The following ATM variants were observed in gnomAD, a reference collection of about 807,000 sequenced individuals.
ATM encodes the protein ATM serine/threonine kinase, also known as serine-protein kinase ATM.
Under a neutral mutation model 387.0 loss-of-function variants are expected in ATM, and 308 were observed. That is an observed-to-expected ratio of 0.80 (90% CI 0.73 to 0.87). The LOEUF is 0.87. Among genes scored for constraint, ATM ranks in the 40% least tolerant of loss-of-function variants. The pLI is 0.00. For synonymous variants in ATM, 1,156 were observed against 1,187.3 expected (o/e 0.97, Z 0.54); for missense variants, 3,312 against 3,560.9 (o/e 0.93, Z 1.78).
chr11:108,287,738 G>C (rs2082569825), intron 27 of ATM, 23 bp downstream of exon 27: 1 of 1,518,236 alleles, frequency 6.6e-7, no homozygotes. Context: ...TAAACTTAGA[G>C]AACTAGCTCT....
intron 8 of ATM, among the ~76,000 whole-genome samples, chr11:108,247,514 T>A (rs1287507462): frequency 6.6e-6 from 1 of 151,854 alleles, no homozygotes; most frequent in Admixed American, 6.6e-5. Flanking sequence ...AAATTCACGA[T>A]TTTGAGTTGT....
chr11:108,302,136 T>G (rs1336333217), intron 35 of ATM, among the ~76,000 whole-genome samples: 1 of 152,140 alleles, frequency 6.6e-6, no homozygotes, highest in East Asian at 1.9e-4. Context: ...GATCCACAAG[T>G]GTTTATTTCC....
At chr11:108,251,329 G>A (rs1433903429) in intron 10 of ATM, among the ~76,000 whole-genome samples, 1 of 152,126 alleles carries the variant, frequency 6.6e-6, no homozygotes, top group Admixed American at 6.5e-5. Flanking sequence ...ATCTATAATA[G>A]AGTTATATAT....
rs947497737 is a variant in ATM at position 108,345,843 on chromosome 11, T to C, written c.8519T>C (p.Leu2840Ser). The C allele has an allele frequency of 6.2e-7, 1 of 1,613,946 alleles. No homozygotes were observed. The highest frequency in any genetic ancestry group is 8.5e-7 in the Non-Finnish European group (1 of 1,179,884). Residue 2840 changes from leucine (L) to serine (S), a missense_variant, in exon 58 of 63, where the codon TTG becomes TCG. Coordinates refer to ENST00000675843, the MANE Select transcript of ATM (RefSeq NM_000051.4). The stretch of plus-strand genomic sequence containing the variant: ...CGTTACTTCTGCATGGAAAAATTCT[T>C]GGATCCAGCTATTTGGTTTGAGAAG... ...VFRYFCMEKF[L>S]DPAIWFEKRL... is the part of the protein sequence containing the mutation.
chr11:108,249,155 T>C (rs2080006736), intron 9 of ATM, 53 bp downstream of exon 9: 1 of 1,602,126 alleles, frequency 6.2e-7, no homozygotes, highest in East Asian at 2.2e-5. Context: ...TTGTATGTTA[T>C]TTTTCAGAAA....
In ATM at chr11:108,249,033, T is replaced by C. The variant is rs757486696; in HGVS notation, c.1166T>C (p.Ile389Thr). The C allele has an allele frequency of 6.2e-7, 1 of 1,613,710 alleles. No homozygotes were observed. Among genetic ancestry groups the C allele is most frequent in the Admixed American group, 1.7e-5 (1 of 59,972 alleles). Reference protein sequence around the residue: ...DYSVPCKRKKIELGWEVIKDH... With the variant: ...DYSVPCKRKKTELGWEVIKDH... ...AGTGTCCCTTGCAAAAGGAAGAAAA[T>C]AGAACTAGGCTGGGAAGTAATAAAA... The change falls in exon 9 of 63, where the codon ATA (isoleucine) becomes ACA (threonine). Residue 389 changes from isoleucine (I) to threonine (T), a missense_variant. Ile to Thr is a moderately conservative substitution (Grantham distance 89). Around this residue, in one of 4 missense-constraint regions of ATM, gnomAD observed 1,791 missense variants for 1,804.5 expected, o/e 0.99. Transcript: ENST00000675843.
chr11:108,310,137 C>T (rs750197861), intron 38 of ATM, 23 bp from the exon 39 acceptor site: 3 of 1,603,502 alleles, frequency 1.9e-6, no homozygotes, highest in African/African-American at 2.7e-5. Flanking sequence ...AAGTGAATGA[C>T]ATTATATCTC....
chr11:108,280,550 AATGTG>A, intron 23 of ATM, among the ~76,000 whole-genome samples: 1 of 152,122 alleles, frequency 6.6e-6, no homozygotes, highest in Non-Finnish European at 1.5e-5. Context: ...ACGGGTATAC[AATGTG>A]AAATAATCAC....
At chr11:108,343,102 C>A in intron 56 of ATM, 120 bp from the exon 57 acceptor site, 1 of 1,270,864 alleles carries the variant, frequency 7.9e-7, no homozygotes, top group Non-Finnish European at 1.1e-6. Context: ...CTTCTATGGA[C>A]AGAGAAATAT....
intron 7 of ATM, 129 bp downstream of exon 7, chr11:108,245,155 G>C: frequency 1.3e-6 from 1 of 793,492 alleles, no homozygotes. Flanking sequence ...ATGTTACTTA[G>C]CCATGAGAAT....
At chr11:108,240,709 G>C (rs2079513820) in intron 5 of ATM, among the ~76,000 whole-genome samples, 1 of 152,016 alleles carries the variant, frequency 6.6e-6, no homozygotes, top group African/African-American at 2.4e-5. Flanking sequence ...ACTTAACCAT[G>C]AATGGAGCTT....
chr11:108,359,125 A>C (rs1333846371), intron 61 of ATM, among the ~76,000 whole-genome samples: 1 of 150,428 alleles, frequency 6.6e-6, no homozygotes, highest in Admixed American at 6.6e-5. Context: ...TGGAAAACAA[A>C]AAAAGGCAGG....
chr11:108,225,701 C>G (rs555650890), intron 1 of ATM: 1 of 152,358 alleles, frequency 6.6e-6, no homozygotes, highest in South Asian at 2.1e-4. Flanking sequence ...TGGTCTCGAA[C>G]TCCTGACCTC....
rs2078810362 is a variant in ATM, at chr11:108,227,689, A to T, written c.65A>T (p.Glu22Val). Residue 22 changes from glutamate to valine, a missense_variant, in exon 2 of 63, where the codon GAA becomes GTA. By Grantham distance (121) the Glu-to-Val change is moderately radical. This residue lies in a region of ATM where 1,791 missense variants were observed against 1,804.5 expected (regional missense o/e 0.99). Coordinates refer to ENST00000675843, the MANE Select transcript of ATM (RefSeq NM_000051.4). Reference sequence around the variant, plus strand: ...CAACTAGAACATGATAGAGCTACAGAACGAAAGGTAGTAAATTACTTAAAT... The same window carrying T: ...CAACTAGAACATGATAGAGCTACAGTACGAAAGGTAGTAAATTACTTAAAT... Reference protein sequence around the residue: ...CRQLEHDRATERKKEVEKFKR... With the variant: ...CRQLEHDRATVRKKEVEKFKR... 1 of 1,613,568 alleles carries T rather than the reference A, an allele frequency of 6.2e-7. No homozygotes were observed. The highest frequency in any genetic ancestry group is 8.5e-7 in the Non-Finnish European group (1 of 1,179,802).
intron 5 of ATM, among the ~76,000 whole-genome samples, chr11:108,239,538 A>G (rs2079457379): frequency 6.6e-6 from 1 of 152,200 alleles, no homozygotes; most frequent in South Asian, 2.1e-4. Context: ...TTGTTAATTC[A>G]TTCGTCCATT....
At position 108,307,984 on chromosome 11, in the gene ATM, GGTAAT is replaced by G; in HGVS notation, c.5762+7_5762+11del. On this transcript the variant is annotated splice_donor_variant and splice_donor_5th_base_variant and intron_variant, in intron 38 of 62. Transcript: ENST00000675843. LOFTEE classifies it high-confidence loss of function. The stretch of plus-strand genomic sequence containing the variant: ...GTGGACTACATGAGAAGACAAAAGA[GGTAAT>G]GTAATGAGTGTTGCTTCTTACGTTT... 1 of 1,608,008 alleles carries G rather than the reference GGTAAT, an allele frequency of 6.2e-7. No homozygotes were observed.
intron 61 of ATM, among the ~76,000 whole-genome samples, chr11:108,364,866 C>A (rs1310738139): frequency 6.6e-6 from 1 of 152,162 alleles, no homozygotes; most frequent in African/African-American, 2.4e-5. Flanking sequence ...TCACCCCTAA[C>A]CATGGAGGAA....
chr11:108,346,552 C>T, intron 58 of ATM: 1 of 151,784 alleles, frequency 6.6e-6, no homozygotes, highest in Non-Finnish European at 1.5e-5. Context: ...CATACTATAC[C>T]CCAGGAAGGC....
In ATM at chr11:108,268,487, T is replaced by C. The variant is rs368047468; in HGVS notation, c.2716T>C (p.Leu906=). The C allele has an allele frequency of 2.5e-6, 4 of 1,613,966 alleles. No individual in the cohort carries two copies. Among genetic ancestry groups the C allele is most frequent in the Non-Finnish European group, 2.5e-6 (3 of 1,179,990 alleles). Residue 906 remains leucine, a synonymous_variant, in exon 18 of 63, where the codon TTG becomes CTG. Transcript: ENST00000675843. ...CTTAGACATGCTCAAGTTCTTGTGT[T>C]TGTGTGTAACTACTGCTCAGACCAA... ...LFLDMLKFLC[L]CVTTAQTNTV... is the part of the protein sequence containing the mutation.
Sources: allele counts gnomAD v4.1 joint callset (sites outside exome capture counted in the v4.1 genomes callset), GRCh38; gene constraint gnomAD v4.1.1; regional missense constraint gnomAD v4.1.1; transcripts MANE v1.5; gene names NCBI Gene and HGNC (gene_info 2026-07-23, HGNC 2026-07-21).